The following STAU2 variants were observed in gnomAD, a reference collection of about 807,000 sequenced individuals.
STAU2 encodes double-stranded RNA-binding protein Staufen homolog 2.
A neutral mutation model predicts 65.9 loss-of-function variants in STAU2; 20 were observed. That is an observed-to-expected ratio of 0.30 (90% CI 0.21 to 0.44). The LOEUF is 0.44. Ranked by LOEUF, STAU2 falls within the 20% of genes least tolerant of loss-of-function variation. The pLI is 1.00. For synonymous variants in STAU2, 232 were observed against 233.9 expected (o/e 0.99, Z 0.07); for missense variants, 558 against 683.9 (o/e 0.82, Z 2.05).
chr8:73,723,664 C>A (rs1434141416), intron 3 of STAU2, among the ~76,000 whole-genome samples: 1 of 152,076 alleles, frequency 6.6e-6, no homozygotes, highest in African/African-American at 2.4e-5. Flanking sequence ...AATCTCATAC[C>A]GTATATTTTT....
chr8:73,577,001 T>G lies in STAU2; in HGVS notation c.1222+5769A>C, dbSNP rs191024974. ...ACCTCTTAGAATACACAGTACATAT[T>G]CTAAATTTCAGCATACATTTCAGAA... is the stretch of plus-strand genomic sequence containing the variant. On this transcript the variant is annotated intron_variant, in intron 12 of 14. Transcript: ENST00000524300. 7.1e-4 allele frequency among the ~76,000 whole-genome samples: 108 copies of G among 152,334 alleles called. 1 individual carries two copies. The highest frequency in any genetic ancestry group is 2.5e-3 in the African/African-American group (105 of 41,578).
intron 1 of STAU2, among the ~76,000 whole-genome samples, chr8:73,744,936 A>G (rs906519382): frequency 6.6e-6 from 1 of 152,216 alleles, no homozygotes; most frequent in Admixed American, 6.5e-5. Context: ...ATTACACAGC[A>G]TTTTATTTGA....
intron 13 of STAU2, among the ~76,000 whole-genome samples, chr8:73,481,068 T>C (rs527437737): frequency 2.0e-5 from 3 of 152,276 alleles, no homozygotes; most frequent in South Asian, 2.1e-4. Flanking sequence ...CAAGTATTCA[T>C]GTACCCACCT....
chr8:73,674,719 T>C (rs920973254), intron 5 of STAU2, among the ~76,000 whole-genome samples: 3 of 148,886 alleles, frequency 2.0e-5, no homozygotes, highest in African/African-American at 7.4e-5. Context: ...ATATATAAAA[T>C]ATACATAAAA....
At chr8:73,634,491 G>A (rs1171723427) in intron 6 of STAU2, among the ~76,000 whole-genome samples, 1 of 152,100 alleles carries the variant, frequency 6.6e-6, no homozygotes, top group Admixed American at 6.5e-5. Context: ...TTGCGCCACT[G>A]CACTCCAGCC....
chr8:73,556,666 A>G (rs1807796221), intron 12 of STAU2, among the ~76,000 whole-genome samples: 1 of 152,160 alleles, frequency 6.6e-6, no homozygotes, highest in Non-Finnish European at 1.5e-5. Flanking sequence ...CTGAGGCAGG[A>G]GAATCGCTTG....
chr8:73,695,924 C>G (rs545634159), intron 4 of STAU2, among the ~76,000 whole-genome samples: 3 of 152,282 alleles, frequency 2.0e-5, no homozygotes, highest in East Asian at 1.9e-4. Context: ...CCTCTGGACA[C>G]ACCTGGAACC....
At chr8:73,476,417 C>T (rs908540146) in intron 13 of STAU2, among the ~76,000 whole-genome samples, 5 of 152,252 alleles carry the variant, frequency 3.3e-5, no homozygotes, top group Non-Finnish European at 7.4e-5. Context: ...CATTCTGTTT[C>T]CAAGAATCTA....
At chr8:73,608,459 T>C (rs1278406930) in intron 9 of STAU2, among the ~76,000 whole-genome samples, 3 of 150,832 alleles carry the variant, frequency 2.0e-5, no homozygotes, top group Non-Finnish European at 4.4e-5. Context: ...AAACAAAAAT[T>C]AGCCACGCGT....
At chr8:73,436,921 A>G (rs1817743997) in intron 13 of STAU2, among the ~76,000 whole-genome samples, 1 of 152,120 alleles carries the variant, frequency 6.6e-6, no homozygotes, top group Admixed American at 6.5e-5. Flanking sequence ...GTCTCACTCC[A>G]TGTTTTTCCT....
At chr8:73,476,909 G>T (rs1474277195) in intron 13 of STAU2, among the ~76,000 whole-genome samples, 2 of 152,212 alleles carry the variant, frequency 1.3e-5, no homozygotes. Flanking sequence ...TCAGCATAGT[G>T]AGAATATTGC....
chr8:73,553,629 T>C (rs930214505), intron 12 of STAU2, among the ~76,000 whole-genome samples: 1 of 151,964 alleles, frequency 6.6e-6, no homozygotes, highest in African/African-American at 2.4e-5. Context: ...CTTTGGGAAA[T>C]GCTGGAGGCT....
chr8:73,621,126 C>T (rs1813195335), intron 6 of STAU2, among the ~76,000 whole-genome samples: 1 of 152,178 alleles, frequency 6.6e-6, no homozygotes. Flanking sequence ...TGTGTCCCCA[C>T]TCAAAATCTC....
At chr8:73,694,502 T>A (rs1819567442) in intron 4 of STAU2, among the ~76,000 whole-genome samples, 1 of 152,178 alleles carries the variant, frequency 6.6e-6, no homozygotes, top group Non-Finnish European at 1.5e-5. Context: ...TGGGTAAAGT[T>A]ACAGAAGAGG....
chr8:73,744,468 G>A (rs2130799164), intron 1 of STAU2, among the ~76,000 whole-genome samples: 1 of 132,410 alleles, frequency 7.6e-6, no homozygotes, highest in Non-Finnish European at 1.6e-5. Flanking sequence ...TAGGAATAAA[G>A]AGAAGGGTAG....
At chr8:73,652,391 G>A (rs955739301) in intron 6 of STAU2, 1 of 152,036 alleles carries the variant, frequency 6.6e-6, no homozygotes. Context: ...ATACAAGAAA[G>A]TGATTTCATG....
At chr8:73,616,210 A>G (rs991028706) in intron 7 of STAU2, among the ~76,000 whole-genome samples, 2 of 152,176 alleles carry the variant, frequency 1.3e-5, no homozygotes, top group Non-Finnish European at 2.9e-5. Flanking sequence ...TTGGAGATCT[A>G]TGTCTGGCAC....
chr8:73,733,985 T>C (rs1168097158), intron 3 of STAU2, among the ~76,000 whole-genome samples: 2 of 152,132 alleles, frequency 1.3e-5, no homozygotes, highest in Non-Finnish European at 2.9e-5. Context: ...AACTACAATA[T>C]AAAAATCTGT....
Position 73,477,325 on chromosome 8 carries a change from G to GA in STAU2, c.1531-54624dup, listed in dbSNP as rs556881070. Among the ~76,000 whole-genome samples the GA allele has an allele frequency of 6.6e-5, 10 of 152,284 alleles. No homozygotes were observed. In the South Asian group the frequency reaches 2.1e-3, roughly 32 times the overall value. On this transcript the variant is annotated intron_variant, in intron 13 of 14. Transcript: ENST00000524300. ...AGGATCTCATCTATTAGTTAGCTCT[G>GA]AAATAACTTTCATGGGGTCCAACCA...
Sources: gnomAD v4.1 joint callset for allele counts (sites outside exome capture counted in the v4.1 genomes callset) on GRCh38, gnomAD v4.1.1 for gene constraint, MANE v1.5 for transcripts, NCBI Gene and HGNC (gene_info 2026-07-23, HGNC 2026-07-21) for gene names.